Variants in CARS2 observed in about 807,000 individuals in gnomAD.
CARS2 encodes probable cysteine--tRNA ligase, mitochondrial.
A neutral mutation model predicts 68.8 loss-of-function variants in CARS2; 52 were observed. That is an observed-to-expected ratio of 0.76 (90% CI 0.61 to 0.95). The LOEUF (loss-of-function observed/expected upper bound fraction) is 0.95, where lower values mean the gene tolerates loss of function less well. Among genes scored for constraint, CARS2 ranks in the 40% least tolerant of loss-of-function variants. The pLI is 0.00. For synonymous variants in CARS2, 314 were observed against 303.6 expected (o/e 1.03, Z -0.36); for missense variants, 780 against 754.2 (o/e 1.03, Z -0.40).
chr13:110,665,216 G>A lies in CARS2; in HGVS notation c.920-1698C>T. ...AATCCCAGCACTTTGGGAGGCAGAG[G>A]TGGCAGATCACTTGAGGTCAGGGGT... On this transcript the variant is annotated intron_variant, in intron 8 of 14. Transcript: ENST00000257347. This position sits in a 1 kb window ranked among gnomAD's most constrained non-coding sequence, Gnocchi z 4.3. The A allele has an allele frequency of 1.1e-6, 1 of 942,438 alleles. No individual in the cohort carries two copies. The highest frequency in any genetic ancestry group is 1.3e-6 in the Non-Finnish European group (1 of 790,722). 58.4% of individuals were successfully genotyped at this position (942,438 alleles called of 1,614,324 possible). A position where few individuals can be genotyped will look rare whatever the true frequency, so the allele number is the denominator to read the frequency against.
intron 12 of CARS2, chr13:110,644,713 G>C: frequency 1.6e-6 from 1 of 623,704 alleles, no homozygotes; most frequent in Non-Finnish European, 2.6e-6. Flanking sequence ...CAGTCATGTG[G>C]GTGGTGACTA....
chr13:110,642,744 A>G (rs1272416044), intron 13 of CARS2: 1 of 750,986 alleles, frequency 1.3e-6, no homozygotes, highest in Non-Finnish European at 2.4e-6. Context: ...CGTCCAAGCA[A>G]GGCTGAGTGA....
At chr13:110,710,137 T>C (rs2064014960), upstream of CARS2, among the ~76,000 whole-genome samples, 1 of 152,172 alleles carries the variant, frequency 6.6e-6, no homozygotes, top group Non-Finnish European at 1.5e-5. Context: ...TCCCAGCACT[T>C]TGGGAGGCCA....
intron 9 of CARS2, among the ~76,000 whole-genome samples, chr13:110,654,124 G>A (rs964495481): frequency 1.3e-5 from 2 of 152,318 alleles, no homozygotes; most frequent in African/African-American, 4.8e-5. Context: ...CAGGGAGCCC[G>A]CTGGGTACAC....
chr13:110,642,596 G>C, intron 13 of CARS2, 75 bp from the exon 14 acceptor site: 1 of 1,452,288 alleles, frequency 6.9e-7, no homozygotes, highest in Non-Finnish European at 9.7e-7. Context: ...CCCGTGGTTG[G>C]GCTCTGGGCC....
chr13:110,669,672 C>A (rs543442295), intron 7 of CARS2, among the ~76,000 whole-genome samples: 23 of 152,246 alleles, frequency 1.5e-4, no homozygotes, highest in Admixed American at 1.4e-3. Context: ...GTGATTTCTG[C>A]ATTTCCAACT....
chr13:110,667,086 G>GA (rs2062668458), intron 8 of CARS2, among the ~76,000 whole-genome samples: 1 of 152,228 alleles, frequency 6.6e-6, no homozygotes, highest in African/African-American at 2.4e-5. Flanking sequence ...AGTTTTACTT[G>GA]AAAGAAACCT....
chr13:110,645,888 G>A (rs1171255038), intron 12 of CARS2, 79 bp downstream of exon 12: 31 of 1,529,082 alleles, frequency 2.0e-5, no homozygotes, highest in South Asian at 1.3e-4. Flanking sequence ...CCACCCAGCC[G>A]ACATGAGAAA....
chr13:110,643,884 A>AC (rs1176139073), intron 13 of CARS2: 2 of 269,856 alleles, frequency 7.4e-6, no homozygotes, highest in Non-Finnish European at 1.5e-5. Context: ...GAAGAGAAGG[A>AC]ATGTGGAGAA....
At position 110,646,010 on chromosome 13, in the gene CARS2, C is replaced by T; in HGVS notation, c.1274G>A (p.Gly425Asp). Reference protein sequence around the residue: ...DTPRVVDAILGLAHHGNGQLR... With the variant: ...DTPRVVDAILDLAHHGNGQLR... ...CTGTCCATTCCCGTGGTGTGCAAGG[C>T]CCAGGATGGCATCAACCACCCTGGG... is the stretch of plus-strand genomic sequence containing the variant. Residue 425 changes from glycine to aspartate, a missense_variant, in exon 12 of 15, where the codon GGC (glycine) becomes GAC (aspartate). Physicochemically the swap from Gly to Asp is moderately conservative, Grantham distance 94. Transcript: ENST00000257347. 1 of 1,614,018 alleles carries T rather than the reference C, an allele frequency of 6.2e-7. No homozygotes were observed. Among genetic ancestry groups the T allele is most frequent in the African/African-American group, 1.3e-5 (1 of 75,056 alleles).
At chr13:110,680,495 C>G (rs887148259) in intron 6 of CARS2, among the ~76,000 whole-genome samples, 5 of 152,220 alleles carry the variant, frequency 3.3e-5, no homozygotes, top group Non-Finnish European at 7.3e-5. Context: ...GGATCTAAGC[C>G]TAGAGCGGCC....
intron 3 of CARS2, among the ~76,000 whole-genome samples, chr13:110,688,534 C>A (rs1468062662): frequency 6.6e-6 from 1 of 152,142 alleles, no homozygotes; most frequent in Admixed American, 6.5e-5. Flanking sequence ...CAAAATCACC[C>A]TAGTCCAGTC....
In CARS2 at chr13:110,686,956, CCT is replaced by C. The variant is rs1164398054; in HGVS notation, c.571+763_571+764del. ...ATGGTGTGATCTCGGCTCACTGCAA[CCT>C]CTGACTCCCGCAACTCACTCGTAAT... On this transcript the variant is annotated intron_variant, in intron 5 of 14. Coordinates refer to ENST00000257347, the MANE Select transcript of CARS2 (RefSeq NM_024537.4). Among the ~76,000 whole-genome samples, 141 of 151,662 alleles carry C rather than the reference CCT, an allele frequency of 9.3e-4. 1 individual carries two copies. Among genetic ancestry groups the C allele is most frequent in the Admixed American group, 9.2e-3 (140 of 15,210 alleles).
intron 9 of CARS2, 116 bp from the exon 10 acceptor site, chr13:110,651,216 A>T: frequency 1.5e-6 from 1 of 653,232 alleles, no homozygotes; most frequent in Non-Finnish European, 2.5e-6. Context: ...AGAAATCAGG[A>T]ACCTTGATGA....
chr13:110,669,217 T>C (rs751274761), intron 7 of CARS2, among the ~76,000 whole-genome samples: 23 of 152,124 alleles, frequency 1.5e-4, no homozygotes, highest in Non-Finnish European at 2.5e-4. Flanking sequence ...CACCAAAATT[T>C]AGATAGGCAG....
intron 2 of CARS2, among the ~76,000 whole-genome samples, chr13:110,703,498 G>A (rs182876027): frequency 3.3e-5 from 5 of 152,280 alleles, no homozygotes; most frequent in East Asian, 1.9e-4. Flanking sequence ...ATTCAGCTGC[G>A]CACTTAAGAT....
chr13:110,679,391 G>A lies in CARS2; in HGVS notation c.656-2288C>T, dbSNP rs375757742. Among the ~76,000 whole-genome samples, 217 of 151,746 alleles carry A rather than the reference G, an allele frequency of 1.4e-3. 2 individuals carry two copies. In the Middle Eastern group the frequency reaches 0.031, roughly 21 times the overall value. On this transcript the variant is annotated intron_variant, in intron 6 of 14. Transcript: ENST00000257347. ...CTAAAAATACAAAAATCAGCCGGGT[G>A]TGGTGGCAGGTGCCTGTAATCCCAG...
chr13:110,656,366 A>C (rs2062366793), intron 9 of CARS2, among the ~76,000 whole-genome samples: 1 of 152,226 alleles, frequency 6.6e-6, no homozygotes. Flanking sequence ...AAACAAACAG[A>C]ACAAATGAAC....
intron 10 of CARS2, chr13:110,650,801 G>T: frequency 2.0e-6 from 1 of 492,282 alleles, no homozygotes. Context: ...GAGAAGGAGT[G>T]GAGAGGACTC....
Sources: allele counts gnomAD v4.1 joint callset (sites outside exome capture counted in the v4.1 genomes callset), GRCh38; gene constraint gnomAD v4.1.1; non-coding constraint Gnocchi (gnomAD v3.1); transcripts MANE v1.5; gene names NCBI Gene and HGNC (gene_info 2026-07-23, HGNC 2026-07-21).